Variants in CHST9 observed in about 807,000 individuals in gnomAD.
CHST9 encodes GalNAc-4-sulfotransferase 2.
In CHST9, 41 loss-of-function variants were observed where a neutral mutation model predicts 44.4. That is an observed-to-expected ratio of 0.92 (90% CI 0.72 to 1.20). The LOEUF (loss-of-function observed/expected upper bound fraction) is 1.20. Among genes scored for constraint, CHST9 ranks in the 50% most tolerant of loss-of-function variants. The pLI is 0.00. For missense variants in CHST9, 504 were observed against 516.5 expected (o/e 0.98, Z 0.23); for synonymous variants, 171 against 178.4 (o/e 0.96, Z 0.33).
Position 27,117,442 on chromosome 18 carries a change from G to C in CHST9, c.121+25247C>G, listed in dbSNP as rs535276068. On this transcript the variant is annotated intron_variant, in intron 2 of 5. Transcript: ENST00000618847. ...TACATTGAGATTCACTTTTGGTATT[G>C]CACATTCTATAGGGTTAATAAATGT... Among the ~76,000 whole-genome samples, 150 of 152,170 alleles carry C rather than the reference G, an allele frequency of 9.9e-4. 1 individual carries two copies. The highest frequency in any genetic ancestry group is 3.4e-3 in the African/African-American group (142 of 41,508).
chr18:27,152,817 A>G (rs2058669342), intron 1 of CHST9, among the ~76,000 whole-genome samples: 1 of 152,068 alleles, frequency 6.6e-6, no homozygotes, highest in African/African-American at 2.4e-5. Flanking sequence ...AAAAAATGGT[A>G]ATTTGGGTGG....
intron 4 of CHST9, 121 bp from the exon 5 acceptor site, chr18:26,944,487 A>T (rs1568102890): frequency 2.9e-6 from 2 of 692,748 alleles, no homozygotes; most frequent in East Asian, 2.6e-5. Flanking sequence ...CTGAGCAAGG[A>T]TTTCTATCAC....
chr18:27,007,464 G>A (rs908089838), intron 4 of CHST9, among the ~76,000 whole-genome samples: 5 of 152,164 alleles, frequency 3.3e-5, no homozygotes, highest in Non-Finnish European at 5.9e-5. Flanking sequence ...AGGTGGTTAC[G>A]TGGCTCTCAT....
intron 1 of CHST9, among the ~76,000 whole-genome samples, chr18:27,179,555 T>C (rs1469586537): frequency 6.6e-6 from 1 of 152,026 alleles, no homozygotes; most frequent in South Asian, 2.1e-4. Context: ...TTATTGGTGG[T>C]GGTAGTGGTG....
chr18:27,053,037 A>G (rs1487272402), intron 2 of CHST9, among the ~76,000 whole-genome samples: 1 of 151,154 alleles, frequency 6.6e-6, no homozygotes. Context: ...AGGTATTCCT[A>G]TGTAACAAAC....
intron 2 of CHST9, 33 bp from the exon 3 acceptor site, chr18:27,048,536 T>C (rs769028441): frequency 7.7e-6 from 12 of 1,564,356 alleles, no homozygotes; most frequent in South Asian, 5.9e-5. Flanking sequence ...AGTTACAGCA[T>C]GGAGTCATGA....
At chr18:26,960,659 T>C (rs1472584636) in intron 4 of CHST9, among the ~76,000 whole-genome samples, 3 of 152,212 alleles carry the variant, frequency 2.0e-5, no homozygotes, top group Non-Finnish European at 4.4e-5. Context: ...CAAGGTCTGA[T>C]TGCAAAAATT....
intron 4 of CHST9, among the ~76,000 whole-genome samples, chr18:27,000,275 A>G (rs2145224955): frequency 6.6e-6 from 1 of 152,340 alleles, no homozygotes; most frequent in South Asian, 2.1e-4. Flanking sequence ...TTCCACATAC[A>G]GAACTCTAGA....
At chr18:26,994,816 T>G (rs1049460487) in intron 4 of CHST9, among the ~76,000 whole-genome samples, 12 of 152,130 alleles carry the variant, frequency 7.9e-5, no homozygotes, top group African/African-American at 2.9e-4. Context: ...ATCAAACTCC[T>G]GGCTTCAAGT....
intron 4 of CHST9, among the ~76,000 whole-genome samples, chr18:26,981,767 G>A (rs924625246): frequency 1.3e-5 from 2 of 152,182 alleles, no homozygotes; most frequent in Non-Finnish European, 2.9e-5. Flanking sequence ...CTATTAAATT[G>A]AAAGCTAACT....
rs1234364217 is a variant in CHST9, at chr18:26,910,370, G to C, written c.*5889C>G. 6.6e-6 allele frequency: 1 copy of C among 152,196 alleles called. No homozygotes were observed. The highest frequency in any genetic ancestry group is 2.4e-5 in the African/African-American group (1 of 41,438). 9.4% of individuals were successfully genotyped at this position (152,196 alleles called of 1,614,324 possible). A position where few individuals can be genotyped will look rare whatever the true frequency, so the allele number is the denominator to read the frequency against. ...AAATAGGGTCAAGGATAATGTTCAG[G>C]AGTTGATTTCCTTTGGAAGCTTGGC... On this transcript the variant is annotated 3_prime_UTR_variant, in exon 6 of 6. Coordinates refer to ENST00000618847, the MANE Select transcript of CHST9 (RefSeq NM_031422.6).
At chr18:27,115,387 T>A (rs1381454365) in intron 2 of CHST9, among the ~76,000 whole-genome samples, 4 of 152,226 alleles carry the variant, frequency 2.6e-5, no homozygotes, top group Non-Finnish European at 5.9e-5. Flanking sequence ...AAGAATGGAA[T>A]AGCTGGTTCA....
intron 4 of CHST9, among the ~76,000 whole-genome samples, chr18:26,999,660 A>G (rs1448021972): frequency 6.6e-6 from 1 of 152,274 alleles, no homozygotes; most frequent in Non-Finnish European, 1.5e-5. Flanking sequence ...TCACTATATT[A>G]TATAATTTTG....
chr18:27,010,270 T>C (rs2057067049), intron 4 of CHST9, among the ~76,000 whole-genome samples: 1 of 152,176 alleles, frequency 6.6e-6, no homozygotes, highest in South Asian at 2.1e-4. Context: ...TCATGGTCTA[T>C]GTTTTTTTCT....
At chr18:27,078,000 T>C (rs1296367820) in intron 2 of CHST9, among the ~76,000 whole-genome samples, 1 of 152,002 alleles carries the variant, frequency 6.6e-6, no homozygotes. Flanking sequence ...GCCACACACT[T>C]TCAAACACTA....
At chr18:27,113,239 T>C (rs926145941) in intron 2 of CHST9, among the ~76,000 whole-genome samples, 5 of 151,410 alleles carry the variant, frequency 3.3e-5, no homozygotes, top group African/African-American at 1.2e-4. Flanking sequence ...TACTATCACA[T>C]AACCTATCAT....
chr18:27,137,304 ATGTGTGTGTGTGTGTGTGTGTGTGTGTG>A (rs60705060), intron 2 of CHST9, among the ~76,000 whole-genome samples: 1 of 145,432 alleles, frequency 6.9e-6, no homozygotes, highest in East Asian at 2.0e-4. Context: ...TTATTTATAT[ATGTGTGTGTGTGTGTGTGTGTGTGTGTG>A]TGTGTGTGTG....
intron 2 of CHST9, among the ~76,000 whole-genome samples, chr18:27,098,328 A>C (rs1406614034): frequency 1.3e-5 from 2 of 152,116 alleles, no homozygotes; most frequent in Non-Finnish European, 2.9e-5. Context: ...GTGAGGCTGA[A>C]GAGAAATAGG....
chr18:26,950,786 G>T (rs993830588), intron 4 of CHST9, among the ~76,000 whole-genome samples: 5 of 152,142 alleles, frequency 3.3e-5, no homozygotes, highest in Admixed American at 3.3e-4. Context: ...CTGCTTAGGC[G>T]ATGAGTGCAC....
Sources: gnomAD v4.1 joint callset for allele counts (sites outside exome capture counted in the v4.1 genomes callset) on GRCh38, gnomAD v4.1.1 for gene constraint, MANE v1.5 for transcripts, NCBI Gene and HGNC (gene_info 2026-07-23, HGNC 2026-07-21) for gene names.